The following KIF3C variants were observed in gnomAD, a reference collection of about 807,000 sequenced individuals.
KIF3C encodes the protein kinesin family member 3C.
In KIF3C, 12 loss-of-function variants were observed where a neutral mutation model predicts 67.7. The ratio of observed to expected loss-of-function variants is 0.18; its 90% CI spans 0.11 to 0.29. The LOEUF is 0.29. KIF3C is among the 10% of genes least tolerant of loss of function. KIF3C has a pLI of 1.00. For missense variants in KIF3C, 789 were observed against 1,059.6 expected (o/e 0.74, Z 3.55); for synonymous variants, 393 against 426.2 (o/e 0.92, Z 0.96).
intron 5 of KIF3C, among the ~76,000 whole-genome samples, chr2:25,943,763 G>A (rs926495314): frequency 6.6e-6 from 1 of 152,012 alleles, no homozygotes; most frequent in African/African-American, 2.4e-5. Flanking sequence ...TACTCGGGAG[G>A]CGGAGGCAAG....
In KIF3C at chr2:25,929,489, A is replaced by T; in HGVS notation, c.2116-12T>A. 1.2e-6 allele frequency: 2 copies of T among 1,612,678 alleles called. No individual in the cohort carries two copies. Among genetic ancestry groups the T allele is most frequent in the Non-Finnish European group, 1.7e-6 (2 of 1,179,152 alleles). ...ATTATGTTTTCAGCCTGTGGTGGGA[A>T]TATCATGCCAGGCTTGAACAGTGCC... is the stretch of plus-strand genomic sequence containing the variant. On this transcript the variant is annotated splice_polypyrimidine_tract_variant and intron_variant, in intron 6 of 7. Coordinates refer to ENST00000264712, the MANE Select transcript of KIF3C (RefSeq NM_002254.8).
At position 25,928,867 on chromosome 2, in the gene KIF3C, G is replaced by T; in HGVS notation, c.*111C>A. 1.2e-6 allele frequency: 1 copy of T among 814,374 alleles called. No individual in the cohort carries two copies. Among genetic ancestry groups the T allele is most frequent in the Non-Finnish European group, 2.0e-6 (1 of 501,328 alleles). 50.4% of individuals were successfully genotyped at this position (814,374 alleles called of 1,614,324 possible). On this transcript the variant is annotated 3_prime_UTR_variant, in exon 8 of 8. Transcript: ENST00000264712. ...GCCAGATTCTCACCCCTGCACACAC[G>T]CACACGCACATGCACGCACACGCAC...
At chr2:25,951,145 G>A (rs1158893466) in intron 5 of KIF3C, among the ~76,000 whole-genome samples, 2 of 152,020 alleles carry the variant, frequency 1.3e-5, no homozygotes, top group Non-Finnish European at 1.5e-5. Context: ...TGGTTCAGCC[G>A]GGCAAGGCCT....
chr2:25,928,664 A>G lies in KIF3C; in HGVS notation c.*314T>C. The G allele has an allele frequency of 4.7e-6, 1 of 214,050 alleles. No individual in the cohort carries two copies. Among genetic ancestry groups the G allele is most frequent in the Non-Finnish European group, 9.4e-6 (1 of 106,836 alleles). The allele number at this position is 214,050 out of a possible 1,614,324, so 13.3% of individuals were successfully genotyped here. A position where few individuals can be genotyped will look rare whatever the true frequency, so the allele number is the denominator to read the frequency against. The stretch of plus-strand genomic sequence containing the variant: ...CCTTCTGGAGGCAGCTGACAGGGGG[A>G]CAAGCCTGAGATCTGACTGGGGGAG... On this transcript the variant is annotated 3_prime_UTR_variant, in exon 8 of 8. Transcript: ENST00000264712.
At chr2:25,947,256 C>T (rs1298633632) in intron 5 of KIF3C, among the ~76,000 whole-genome samples, 1 of 152,152 alleles carries the variant, frequency 6.6e-6, no homozygotes, top group Non-Finnish European at 1.5e-5. Context: ...AAAGAAAGAT[C>T]TGTATTCTAG....
At position 25,980,603 on chromosome 2, in the gene KIF3C, T is replaced by C. The variant is rs1559560006; in HGVS notation, c.1315A>G (p.Asn439Asp). 2 of 1,613,854 alleles carry C rather than the reference T, an allele frequency of 1.2e-6. No individual in the cohort carries two copies. Among genetic ancestry groups the C allele is most frequent in the East Asian group, 4.5e-5 (2 of 44,868 alleles). ...AWVAEEEDDN[N>D]NNHRPPQPIL... ...GGCTGGGGCGGGCGGTGGTTGTTGT[T>C]GTTGTCATCCTCCTCTTCTGCCACC... The change falls in exon 1 of 8, where the codon AAC becomes GAC. Residue 439 changes from asparagine (N) to aspartate (D), a missense_variant. Asn to Asp is a conservative substitution (Grantham distance 23, BLOSUM62 1). Around this residue, in one of 2 missense-constraint regions of KIF3C, gnomAD observed 648 missense variants for 807.8 expected, o/e 0.80. Coordinates refer to ENST00000264712, the MANE Select transcript of KIF3C (RefSeq NM_002254.8). This position sits in a 1 kb window ranked among gnomAD's most constrained non-coding sequence, Gnocchi z 7.6.
In KIF3C at chr2:25,980,690, G is replaced by C. The variant is rs147174948; in HGVS notation, c.1228C>G (p.Arg410Gly). ...LGKRPRRKSS[R>G]RKKAVSAPPG... ...GGGGCGGACACGGCCTTCTTCCTGC[G>C]GCTGCTCTTCCTCCGGGGCCGCTTC... is the stretch of plus-strand genomic sequence containing the variant. The change falls in exon 1 of 8, where the codon CGC (arginine) becomes GGC (glycine). Residue 410 changes from arginine to glycine, a missense_variant. Transcript: ENST00000264712. This position sits in a 1 kb window ranked among gnomAD's most constrained non-coding sequence, Gnocchi z 7.6. 3 of 1,614,042 alleles carry C rather than the reference G, an allele frequency of 1.9e-6. No individual in the cohort carries two copies. The South Asian group carries it at 3.3e-5, about 18-fold the overall frequency.
Position 25,958,725 on chromosome 2 carries a change from C to A in KIF3C, c.1546-2281G>T, listed in dbSNP as rs909679925. On this transcript the variant is annotated intron_variant, in intron 1 of 7. Transcript: ENST00000264712. The surrounding 1 kb of genome is among the most constrained non-coding windows in gnomAD (Gnocchi z 4.5). ...GGGAGCTGGCCTGGCCTCCCGGTTCCTCTTACTATTCATGCTCTGCGTATG... is the reference window on the plus strand; with the variant it reads ...GGGAGCTGGCCTGGCCTCCCGGTTCATCTTACTATTCATGCTCTGCGTATG... Among the ~76,000 whole-genome samples the A allele has an allele frequency of 6.6e-6, 1 of 152,232 alleles. No individual in the cohort carries two copies. Among genetic ancestry groups the A allele is most frequent in the African/African-American group, 2.4e-5 (1 of 41,466 alleles).
In KIF3C at chr2:25,982,412, G is replaced by A; in HGVS notation, c.-495C>T. On this transcript the variant is annotated 5_prime_UTR_variant, in exon 1 of 8. Coordinates refer to ENST00000264712, the MANE Select transcript of KIF3C (RefSeq NM_002254.8). The stretch of plus-strand genomic sequence containing the variant: ...CCTGGAGTCCTCCCCCCAAGCTGGG[G>A]GATCATTCATTGCAGCCAGCGCGGC... The A allele has an allele frequency of 2.5e-6, 1 of 398,654 alleles. No homozygotes were observed. The highest frequency in any genetic ancestry group is 4.4e-6 in the Non-Finnish European group (1 of 226,086). The allele number at this position is 398,654 out of a possible 1,614,324, so 24.7% of individuals were successfully genotyped here.
At chr2:25,962,921 A>AAT in intron 1 of KIF3C, among the ~76,000 whole-genome samples, 2 of 48,236 alleles carry the variant, frequency 4.1e-5, no homozygotes, top group East Asian at 8.9e-3. Context: ...TAATATATAT[A>AAT]ATATATAATA....
chr2:25,963,697 AT>A (rs1382934284), intron 1 of KIF3C, among the ~76,000 whole-genome samples: 1 of 147,312 alleles, frequency 6.8e-6, no homozygotes, highest in African/African-American at 2.5e-5. Flanking sequence ...TATTATTATT[AT>A]TATTATTATT....
At chr2:25,973,634 A>AT (rs937630049) in intron 1 of KIF3C, among the ~76,000 whole-genome samples, 4 of 151,894 alleles carry the variant, frequency 2.6e-5, no homozygotes, top group African/African-American at 9.7e-5. Context: ...CCGTGAAATC[A>AT]TCACCACCAT....
At chr2:25,929,200 T>C in intron 7 of KIF3C, 105 bp downstream of exon 7, 1 of 1,445,914 alleles carries the variant, frequency 6.9e-7, no homozygotes, top group Non-Finnish European at 9.6e-7. Flanking sequence ...CCCCTTGCCC[T>C]TCCTGCCCTT....
At position 25,928,961 on chromosome 2, in the gene KIF3C, G is replaced by A. The variant is rs1490143272; in HGVS notation, c.*17C>T. ...ATCCCAGGAGTCTATTGGATGGGCA[G>A]CCTGACGTGATGGTTGTCACTCATG... On this transcript the variant is annotated 3_prime_UTR_variant, in exon 8 of 8. Coordinates refer to ENST00000264712, the MANE Select transcript of KIF3C (RefSeq NM_002254.8). The A allele has an allele frequency of 6.2e-7, 1 of 1,608,170 alleles. No individual in the cohort carries two copies. Among genetic ancestry groups the A allele is most frequent in the Admixed American group, 1.7e-5 (1 of 59,560 alleles).
chr2:25,972,039 A>G (rs1241137064), intron 1 of KIF3C, among the ~76,000 whole-genome samples: 1 of 151,670 alleles, frequency 6.6e-6, no homozygotes, highest in Non-Finnish European at 1.5e-5. Context: ...GCATTTCCTT[A>G]TTCATTCAAA....
In KIF3C at chr2:25,955,752, T is replaced by C. The variant is rs138430505; in HGVS notation, c.1648-89A>G. The C allele has an allele frequency of 0.016, 24,112 of 1,494,572 alleles. 268 individuals carry two copies. Among genetic ancestry groups the C allele is most frequent in the Non-Finnish European group, 0.019 (21,237 of 1,092,584 alleles). The allele number at this position is 1,494,572 out of a possible 1,614,324, so 92.6% of individuals were successfully genotyped here. On this transcript the variant is annotated intron_variant, in intron 2 of 7. Coordinates refer to ENST00000264712, the MANE Select transcript of KIF3C (RefSeq NM_002254.8). The surrounding 1 kb of genome is among the most constrained non-coding windows in gnomAD (Gnocchi z 5.0). ...TCAGGGGACTGGCTCACTCTGCCTG[T>C]CTCGGGACCTGGCTTCACCATGGCC...
intron 4 of KIF3C, among the ~76,000 whole-genome samples, chr2:25,952,561 A>AT (rs1255505644): frequency 2.1e-4 from 18 of 86,242 alleles, no homozygotes; most frequent in African/African-American, 7.5e-4. Context: ...ATATATATAT[A>AT]TATTTTTTTT....
intron 1 of KIF3C, among the ~76,000 whole-genome samples, chr2:25,963,648 A>C (rs1037220611): frequency 6.7e-6 from 1 of 148,638 alleles, no homozygotes; most frequent in African/African-American, 2.5e-5. Context: ...TTTTTATTAC[A>C]GCATCATAGG....
At position 25,930,025 on chromosome 2, in the gene KIF3C, A is replaced by G. The variant is rs1312933969; in HGVS notation, c.2045T>C (p.Val682Ala). 6.2e-7 allele frequency: 1 copy of G among 1,614,100 alleles called. No individual in the cohort carries two copies. Among genetic ancestry groups the G allele is most frequent in the Non-Finnish European group, 8.5e-7 (1 of 1,179,960 alleles). The change falls in exon 6 of 8, where the codon GTG (valine) becomes GCG (alanine). Residue 682 changes from valine (V) to alanine (A), a missense_variant. Around this residue, in one of 2 missense-constraint regions of KIF3C, gnomAD observed 648 missense variants for 807.8 expected, o/e 0.80. Transcript: ENST00000264712. ...SQMKKRPTSA[V>A]GYKRPISQYA... ...CTGGCTGATAGGCCTCTTGTAGCCC[A>G]CTGCAGATGTTGGCCGCTTCTTCAT...
Sources: allele counts gnomAD v4.1 joint callset (sites outside exome capture counted in the v4.1 genomes callset), GRCh38; gene constraint gnomAD v4.1.1; regional missense constraint gnomAD v4.1.1; non-coding constraint Gnocchi (gnomAD v3.1); transcripts MANE v1.5; gene names NCBI Gene and HGNC (gene_info 2026-07-23, HGNC 2026-07-21).